CLCA4: variants seen among roughly 807,000 people sequenced by gnomAD.
CLCA4 encodes calcium-activated chloride channel regulator 4.
A neutral mutation model predicts 78.9 loss-of-function variants in CLCA4; 69 were observed. The ratio of observed to expected loss-of-function variants is 0.87; its 90% CI spans 0.72 to 1.07. CLCA4 has a LOEUF of 1.07. Ranked by LOEUF, CLCA4 falls within the 50% of genes least tolerant of loss-of-function variation. CLCA4 has a pLI of 0.00. For missense variants in CLCA4, 1,133 were observed against 1,095.8 expected (o/e 1.03, Z -0.48); for synonymous variants, 362 against 375.8 (o/e 0.96, Z 0.42).
At chr1:86,554,570 C>T (rs1020766067) in intron 1 of CLCA4, among the ~76,000 whole-genome samples, 4 of 152,050 alleles carry the variant, frequency 2.6e-5, no homozygotes, top group Non-Finnish European at 5.9e-5. Flanking sequence ...CGGCCCTGTA[C>T]CACAATTTTT....
At chr1:86,568,426 A>G (rs1650261683) in intron 7 of CLCA4, among the ~76,000 whole-genome samples, 1 of 149,770 alleles carries the variant, frequency 6.7e-6, no homozygotes, top group Admixed American at 6.7e-5. Context: ...AAATATATGT[A>G]TAATTATTAT....
At position 86,580,141 on chromosome 1, in the gene CLCA4, T is replaced by C; in HGVS notation, c.2556T>C (p.Asn852=). 1.9e-6 allele frequency: 3 copies of C among 1,612,730 alleles called. No homozygotes were observed. Among genetic ancestry groups the C allele is most frequent in the Non-Finnish European group, 2.5e-6 (3 of 1,179,288 alleles). Residue 852 remains asparagine, a synonymous_variant, in exon 14 of 14, where the codon AAT becomes AAC. Coordinates refer to ENST00000370563, the MANE Select transcript of CLCA4 (RefSeq NM_012128.4). ...CCATTAAAAGTATAGATAAAAGCAA[T>C]TTGACATCAAAAGTATCCAACATTG... ...FIAIKSIDKS[N]LTSKVSNIAQ...
At chr1:86,567,145 A>G (rs887727824) in intron 6 of CLCA4, among the ~76,000 whole-genome samples, 2 of 151,974 alleles carry the variant, frequency 1.3e-5, no homozygotes, top group African/African-American at 2.4e-5. Context: ...CCCAATTTCA[A>G]TGCAATCCCC....
intron 7 of CLCA4, among the ~76,000 whole-genome samples, chr1:86,570,149 T>C (rs1274008323): frequency 6.6e-6 from 1 of 152,012 alleles, no homozygotes; most frequent in Non-Finnish European, 1.5e-5. Context: ...ATTTGTTCCC[T>C]GATACCAGCT....
intron 11 of CLCA4, among the ~76,000 whole-genome samples, chr1:86,577,584 G>A (rs769775821): frequency 6.6e-6 from 1 of 151,778 alleles, no homozygotes; most frequent in South Asian, 2.1e-4. Context: ...TGGAGAAATT[G>A]TAAGAGTACT....
chr1:86,548,237 G>A (rs1303791000), intron 1 of CLCA4, among the ~76,000 whole-genome samples: 1 of 151,946 alleles, frequency 6.6e-6, no homozygotes, highest in Admixed American at 6.5e-5. Context: ...ACATTTGTTT[G>A]TCTTCTTTTG....
intron 3 of CLCA4, among the ~76,000 whole-genome samples, chr1:86,562,409 T>C (rs1043804956): frequency 5.3e-5 from 8 of 152,170 alleles, no homozygotes; most frequent in African/African-American, 1.9e-4. Context: ...TAAAGTGCAT[T>C]ATGTAGAAGA....
At position 86,580,286 on chromosome 1, in the gene CLCA4, G is replaced by T; in HGVS notation, c.2701G>T (p.Val901Leu). ...TTCTGGAGTTAATATTTCTACGCTGGTATTGTCTGTGATTGGGTCTGTTGT... is the reference window on the plus strand; with the variant it reads ...TTCTGGAGTTAATATTTCTACGCTGTTATTGTCTGTGATTGGGTCTGTTGT... The part of the protein sequence containing the change: ...HNSGVNISTL[V>L]LSVIGSVVIV... The change falls in exon 14 of 14, where the codon GTA becomes TTA. Residue 901 changes from valine to leucine, a missense_variant. Val to Leu is a conservative substitution (Grantham distance 32). Transcript: ENST00000370563. 2 of 1,611,274 alleles carry T rather than the reference G, an allele frequency of 1.2e-6. No homozygotes were observed. Among genetic ancestry groups the T allele is most frequent in the South Asian group, 1.1e-5 (1 of 90,620 alleles).
chr1:86,549,768 G>A (rs1405298989), intron 1 of CLCA4, among the ~76,000 whole-genome samples: 5 of 152,188 alleles, frequency 3.3e-5, no homozygotes, highest in Admixed American at 2.0e-4. Flanking sequence ...TGTAAGTGGA[G>A]AAAATTTGGC....
chr1:86,552,668 G>T, intron 1 of CLCA4: 1 of 909,602 alleles, frequency 1.1e-6, no homozygotes, highest in Non-Finnish European at 1.8e-6. Context: ...GCCCAGATCG[G>T]ACTTGCAGAT....
intron 7 of CLCA4, among the ~76,000 whole-genome samples, chr1:86,569,610 G>A (rs1229768126): frequency 1.3e-5 from 2 of 152,006 alleles, no homozygotes; most frequent in Non-Finnish European, 2.9e-5. Flanking sequence ...GGAGCTTGGA[G>A]ATGGATTAAA....
chr1:86,578,848 A>G (rs1160755984), intron 12 of CLCA4, among the ~76,000 whole-genome samples: 1 of 152,102 alleles, frequency 6.6e-6, no homozygotes, highest in Non-Finnish European at 1.5e-5. Context: ...CAGTGTGTGC[A>G]GTAAAGTGAT....
Position 86,572,638 on chromosome 1 carries a change from A to T in CLCA4, c.1385A>T (p.Asp462Val). The T allele has an allele frequency of 6.2e-7, 1 of 1,605,916 alleles. No homozygotes were observed. The highest frequency in any genetic ancestry group is 8.5e-7 in the Non-Finnish European group (1 of 1,173,304). ...ITGGSHFYVS[D>V]EAQNNGLIDA... ...GGAGGAAGTCATTTTTATGTTTCAG[A>T]TGAAGCTCAGAACAATGGCCTCATT... The change falls in exon 9 of 14, where the codon GAT (aspartate) becomes GTT (valine). Residue 462 changes from aspartate to valine, a missense_variant. Transcript: ENST00000370563.
rs1285689411 is a variant in CLCA4, at chr1:86,570,009, T to C, written c.1183-1068T>C. ...ATGGAGATGCTACAAATGCCATAAA[T>C]GTATAAAAGCATTTTCCTCTCTTTC... On this transcript the variant is annotated intron_variant, in intron 7 of 13. Transcript: ENST00000370563. Among the ~76,000 whole-genome samples, 5 of 152,112 alleles carry C rather than the reference T, an allele frequency of 3.3e-5. No homozygotes were observed. The East Asian group carries it at 9.7e-4, about 29-fold the overall frequency.
chr1:86,558,491 G>T lies in CLCA4; in HGVS notation c.160-1441G>T, dbSNP rs1649913967. Reference sequence around the variant, plus strand: ...TTGTATTTAAGAATGCTGAATAAAGGCCCCAGTATTAGTCCACTCTTATGC... The same window carrying T: ...TTGTATTTAAGAATGCTGAATAAAGTCCCCAGTATTAGTCCACTCTTATGC... On this transcript the variant is annotated intron_variant, in intron 1 of 13. Transcript: ENST00000370563. 2.0e-5 allele frequency among the ~76,000 whole-genome samples: 3 copies of T among 152,232 alleles called. No individual in the cohort carries two copies. In the South Asian group the frequency reaches 6.2e-4, roughly 32 times the overall value.
chr1:86,572,700 C>G lies in CLCA4; in HGVS notation c.1447C>G (p.Leu483Val). The G allele has an allele frequency of 6.3e-7, 1 of 1,593,314 alleles. No individual in the cohort carries two copies. Among genetic ancestry groups the G allele is most frequent in the Non-Finnish European group, 8.6e-7 (1 of 1,161,372 alleles). ...GGCTCTTACATCAGGAAATACTGAT[C>G]TCTCCCAGAAGTCCCTTCAGGTCAG... ...FGALTSGNTD[L>V]SQKSLQLESK... The change falls in exon 9 of 14, where the codon CTC becomes GTC. Residue 483 changes from leucine to valine, a missense_variant. Leu to Val is a conservative substitution (Grantham distance 32). Transcript: ENST00000370563.
chr1:86,579,957 TAAG>T lies in CLCA4; in HGVS notation c.2375_2377del (p.Arg792del). 6.3e-7 allele frequency: 1 copy of T among 1,584,056 alleles called. No individual in the cohort carries two copies. The highest frequency in any genetic ancestry group is 8.6e-7 in the Non-Finnish European group (1 of 1,164,114). ...TTTTTCTCAGTTCAACGTTATATCA[TAAG>T]AATAAGTGCAAGTATTCTTGATCTA... On this transcript the variant is annotated inframe_deletion, in exon 14 of 14. Coordinates refer to ENST00000370563, the MANE Select transcript of CLCA4 (RefSeq NM_012128.4).
chr1:86,547,315 G>GT, intron 1 of CLCA4, 37 bp downstream of exon 1: 1 of 1,467,590 alleles, frequency 6.8e-7, no homozygotes, highest in Non-Finnish European at 9.1e-7. Context: ...TTAATTTTTA[G>GT]TTTTTTACTA....
intron 7 of CLCA4, among the ~76,000 whole-genome samples, 162 bp downstream of exon 7, chr1:86,567,813 T>G (rs1343953733): frequency 1.3e-5 from 2 of 152,068 alleles, no homozygotes; most frequent in African/African-American, 4.8e-5. Flanking sequence ...GATGTTTTAA[T>G]GGATCAGTGA....
Sources: allele counts gnomAD v4.1 joint callset (sites outside exome capture counted in the v4.1 genomes callset), GRCh38; gene constraint gnomAD v4.1.1; transcripts MANE v1.5; gene names NCBI Gene and HGNC (gene_info 2026-07-23, HGNC 2026-07-21).